Variants in SWAP70 observed in about 807,000 individuals in gnomAD.
SWAP70 encodes switching B cell complex subunit SWAP70.
A neutral mutation model predicts 80.2 loss-of-function variants in SWAP70; 34 were observed. The ratio of observed to expected loss-of-function variants is 0.42; its 90% CI spans 0.32 to 0.56. The LOEUF (loss-of-function observed/expected upper bound fraction) is 0.56. Among genes scored for constraint, SWAP70 ranks in the 20% least tolerant of loss-of-function variants. The probability of loss-of-function intolerance (pLI) is 0.09; values close to 1 mark genes in which losing one functional copy is unlikely to be tolerated. For synonymous variants in SWAP70, 239 were observed against 238.5 expected (o/e 1.00, Z -0.02); for missense variants, 578 against 690.7 (o/e 0.84, Z 1.83).
chr11:9,727,972 G>T, intron 4 of SWAP70, 81 bp from the exon 5 acceptor site: 4 of 1,296,662 alleles, frequency 3.1e-6, no homozygotes, highest in Non-Finnish European at 3.1e-6. Context: ...AAATAATGGA[G>T]TAGGCAAGTA....
chr11:9,731,749 A>G (rs1381821825), intron 6 of SWAP70, among the ~76,000 whole-genome samples: 2 of 152,314 alleles, frequency 1.3e-5, no homozygotes, highest in African/African-American at 2.4e-5. Flanking sequence ...ACTTATTTGT[A>G]TAGGCTTATA....
chr11:9,713,416 A>G, intron 2 of SWAP70, 50 bp from the exon 3 acceptor site: 2 of 1,539,558 alleles, frequency 1.3e-6, no homozygotes, highest in Non-Finnish European at 8.7e-7. Context: ...TGCCTTAGAT[A>G]CTGCTTATAT....
At chr11:9,709,733 C>T (rs1850971151) in intron 2 of SWAP70, among the ~76,000 whole-genome samples, 1 of 152,124 alleles carries the variant, frequency 6.6e-6, no homozygotes, top group African/African-American at 2.4e-5. Flanking sequence ...AAGCGATCCA[C>T]CTGCCTTGGC....
intron 3 of SWAP70, among the ~76,000 whole-genome samples, chr11:9,714,877 A>G (rs1393247107): frequency 6.7e-6 from 1 of 148,186 alleles, no homozygotes; most frequent in Non-Finnish European, 1.5e-5. Context: ...CAATGGCGCA[A>G]TCTCGGCTTA....
intron 2 of SWAP70, among the ~76,000 whole-genome samples, chr11:9,697,815 C>G (rs574938932): frequency 3.2e-4 from 48 of 152,234 alleles, no homozygotes; most frequent in Middle Eastern, 3.4e-3. Flanking sequence ...ATGTCTTGCT[C>G]TGTCGCATAG....
chr11:9,747,739 G>A (rs1478659954), intron 9 of SWAP70, 119 bp from the exon 10 acceptor site: 10 of 938,938 alleles, frequency 1.1e-5, no homozygotes, highest in Non-Finnish European at 1.7e-5. Context: ...CCTCCTGGTG[G>A]AATGAAAGGG....
rs1331056643 is a variant in SWAP70, at chr11:9,738,278, A to G, written c.1146A>G (p.Glu382=). The change falls in exon 8 of 12, where the codon GAA becomes GAG. Residue 382 remains glutamate, a synonymous_variant. Coordinates refer to ENST00000318950, the MANE Select transcript of SWAP70 (RefSeq NM_015055.4). ...EEKKRLQTQV[E]LQARFSTELE... is the part of the protein sequence containing the mutation. ...AGAAACGCCTTCAGACTCAAGTGGA[A>G]CTTCAGGCCAGGTTCAGCACAGAGC... 3.7e-6 allele frequency: 6 copies of G among 1,611,340 alleles called. No individual in the cohort carries two copies. The highest frequency in any genetic ancestry group is 4.2e-6 in the Non-Finnish European group (5 of 1,178,834).
intron 2 of SWAP70, 91 bp from the exon 3 acceptor site, chr11:9,713,375 G>C (rs1851024305): frequency 7.7e-7 from 1 of 1,302,746 alleles, no homozygotes; most frequent in African/African-American, 1.5e-5. Context: ...TAAAATGGGA[G>C]CCAAAGGAGG....
chr11:9,669,787 C>T (rs1266108293), intron 1 of SWAP70, among the ~76,000 whole-genome samples: 1 of 152,016 alleles, frequency 6.6e-6, no homozygotes, highest in African/African-American at 2.4e-5. Flanking sequence ...ATGCCAGGGG[C>T]CCCCCAGGTT....
intron 1 of SWAP70, among the ~76,000 whole-genome samples, chr11:9,668,728 A>G (rs1014020773): frequency 6.6e-6 from 1 of 152,220 alleles, no homozygotes; most frequent in African/African-American, 2.4e-5. Context: ...ACTAATAATT[A>G]TGTATCCAAA....
intron 8 of SWAP70, among the ~76,000 whole-genome samples, chr11:9,739,404 T>C (rs977870200): frequency 1.1e-4 from 16 of 152,258 alleles, no homozygotes; most frequent in Non-Finnish European, 1.8e-4. Flanking sequence ...TCTGGTCTTG[T>C]TTCCTCTCTG....
chr11:9,686,213 A>G (rs1255806722), intron 1 of SWAP70, among the ~76,000 whole-genome samples: 1 of 151,804 alleles, frequency 6.6e-6, no homozygotes, highest in African/African-American at 2.4e-5. Flanking sequence ...TATCTTTCTT[A>G]TATATCTCTC....
intron 9 of SWAP70, 165 bp downstream of exon 9, chr11:9,740,512 C>G: frequency 1.4e-6 from 1 of 723,886 alleles, no homozygotes; most frequent in Non-Finnish European, 2.4e-6. Context: ...ACTCGACCGG[C>G]TGGAGTGTTT....
rs1468815181 is a variant in SWAP70 at position 9,671,757 on chromosome 11, TA to T, written c.99+7482del. Among the ~76,000 whole-genome samples, 324 of 44,882 alleles carry T rather than the reference TA, an allele frequency of 7.2e-3. 14 individuals carry two copies. The highest frequency in any genetic ancestry group is 0.017 in the African/African-American group (258 of 15,236). The allele number at this position is 44,882 out of a possible 152,430, so 29.4% of individuals were successfully genotyped here. A position where few individuals can be genotyped will look rare whatever the true frequency, so the allele number is the denominator to read the frequency against. On this transcript the variant is annotated intron_variant, in intron 1 of 11. Transcript: ENST00000318950. ...ATGTATACATAGAAATATAAATATA[TA>T]AATATATAATATAAATATAATATAT... is the stretch of plus-strand genomic sequence containing the variant.
intron 2 of SWAP70, among the ~76,000 whole-genome samples, chr11:9,695,321 G>GT: frequency 6.6e-6 from 1 of 151,920 alleles, no homozygotes; most frequent in South Asian, 2.1e-4. Context: ...ACGTGCACAC[G>GT]TATGTTTATT....
chr11:9,714,970 C>CTTTTT (rs34803928), intron 3 of SWAP70, among the ~76,000 whole-genome samples: 28,439 of 109,378 alleles, frequency 0.26, 4,261 homozygotes, highest in Non-Finnish European at 0.31. Flanking sequence ...CCACACCTGC[C>CTTTTT]TTTTTTTTTT....
At chr11:9,675,152 G>A (rs1366103820) in intron 1 of SWAP70, among the ~76,000 whole-genome samples, 2 of 151,878 alleles carry the variant, frequency 1.3e-5, no homozygotes, top group East Asian at 3.9e-4. Context: ...GAGAGGTATG[G>A]TGGCACACGC....
At chr11:9,716,736 G>T (rs546967473) in intron 3 of SWAP70, among the ~76,000 whole-genome samples, 1 of 152,322 alleles carries the variant, frequency 6.6e-6, no homozygotes, top group East Asian at 1.9e-4. Flanking sequence ...ACATCCTTGT[G>T]GAGCTGTGCA....
chr11:9,684,002 T>G (rs1389403146), intron 1 of SWAP70, among the ~76,000 whole-genome samples: 1 of 152,066 alleles, frequency 6.6e-6, no homozygotes, highest in Non-Finnish European at 1.5e-5. Context: ...TTTTTTTCAT[T>G]CTTTTATTTT....
Sources: gnomAD v4.1 joint callset for allele counts (sites outside exome capture counted in the v4.1 genomes callset) on GRCh38, gnomAD v4.1.1 for gene constraint, MANE v1.5 for transcripts, NCBI Gene and HGNC (gene_info 2026-07-23, HGNC 2026-07-21) for gene names.